The following ETV6 variants were observed in gnomAD, a reference collection of about 807,000 sequenced individuals.
ETV6 encodes the protein ETS variant transcription factor 6, also known as transcription factor ETV6.
In ETV6, 16 loss-of-function variants were observed where a neutral mutation model predicts 51.1. The ratio of observed to expected loss-of-function variants is 0.31; its 90% CI spans 0.21 to 0.48. The LOEUF is 0.48. Among genes scored for constraint, ETV6 ranks in the 20% least tolerant of loss-of-function variants. The pLI, the probability that ETV6 is intolerant of heterozygous loss-of-function variation, is 0.99. For missense variants in ETV6, 458 were observed against 594.8 expected, an observed-to-expected ratio of 0.77 and a Z score of 2.39; for synonymous variants, 240 against 224.1, an observed-to-expected ratio of 1.07 and a Z score of -0.64.
chr12:11,708,333 C>T (rs1023389477), intron 1 of ETV6, among the ~76,000 whole-genome samples: 4 of 151,858 alleles, frequency 2.6e-5, no homozygotes, highest in Non-Finnish European at 5.9e-5. Context: ...TTGTGCTCTG[C>T]AAGGGAGTGC....
At chr12:11,711,783 C>A (rs556122525) in intron 1 of ETV6, among the ~76,000 whole-genome samples, 2 of 152,216 alleles carry the variant, frequency 1.3e-5, no homozygotes, top group Non-Finnish European at 2.9e-5. Flanking sequence ...ATTTGTACGT[C>A]ATTTCCTTGC....
Position 11,859,118 on chromosome 12 carries a change from GGTTTTTT to G in ETV6, c.463+5558_463+5564del, listed in dbSNP as rs1191706194. Reference sequence around the variant, plus strand: ...TAAAGAAGATGAGGTATATGAATCTGGTTTTTTTTTTTTTTTTTTTTTTTTTTTTTTT... The same window carrying G: ...TAAAGAAGATGAGGTATATGAATCTGTTTTTTTTTTTTTTTTTTTTTTTTT... On this transcript the variant is annotated intron_variant, in intron 4 of 7. Transcript: ENST00000396373. Among the ~76,000 whole-genome samples, 194 of 41,798 alleles carry G rather than the reference GGTTTTTT, an allele frequency of 4.6e-3. 73 individuals are homozygous for G. In the Middle Eastern group the frequency reaches 0.048, roughly 10 times the overall value. 27.4% of individuals were successfully genotyped at this position (41,798 alleles called of 152,430 possible).
At chr12:11,677,263 C>A (rs377246584) in intron 1 of ETV6, among the ~76,000 whole-genome samples, 2 of 152,158 alleles carry the variant, frequency 1.3e-5, no homozygotes. Flanking sequence ...AGGAACCTTT[C>A]TCTCTCTCCT....
intron 2 of ETV6, among the ~76,000 whole-genome samples, chr12:11,779,211 C>G (rs545831939): frequency 2.2e-4 from 34 of 152,294 alleles, no homozygotes; most frequent in African/African-American, 8.2e-4. Flanking sequence ...TAAAACTCAG[C>G]CTTTCATCAT....
At chr12:11,867,151 T>C (rs1270894009) in intron 4 of ETV6, among the ~76,000 whole-genome samples, 1 of 152,260 alleles carries the variant, frequency 6.6e-6, no homozygotes, top group Non-Finnish European at 1.5e-5. Context: ...GTTTTTTCAA[T>C]GTATTTAATA....
chr12:11,837,455 A>G (rs1043157812), intron 2 of ETV6, among the ~76,000 whole-genome samples: 3 of 152,170 alleles, frequency 2.0e-5, no homozygotes, highest in Non-Finnish European at 4.4e-5. Context: ...CCATTCCTCA[A>G]AACTACACTT....
intron 2 of ETV6, among the ~76,000 whole-genome samples, chr12:11,770,400 C>A (rs1406042617): frequency 6.6e-6 from 1 of 151,938 alleles, no homozygotes; most frequent in Non-Finnish European, 1.5e-5. Context: ...GTTGCCTATG[C>A]CCATGTTAAA....
intron 2 of ETV6, among the ~76,000 whole-genome samples, chr12:11,761,989 A>T (rs57699137): frequency 0.017 from 2,538 of 152,288 alleles, 50 homozygotes; most frequent in African/African-American, 0.058. Context: ...TGACACAGGA[A>T]ATTGTCCTTC....
chr12:11,745,419 C>G (rs1865889092), intron 1 of ETV6, among the ~76,000 whole-genome samples: 1 of 152,368 alleles, frequency 6.6e-6, no homozygotes, highest in Middle Eastern at 3.4e-3. Flanking sequence ...CTGTTGCTGG[C>G]TCTGTCCTCT....
rs60956451 is a variant in ETV6 at position 11,769,806 on chromosome 12, G to A, written c.163+17227G>A. ...CATTGAGGGGTTGATTATTTACTTC[G>A]TTTGGAAGTAAGAAGGGAGGTAGCT... On this transcript the variant is annotated intron_variant, in intron 2 of 7. Coordinates refer to ENST00000396373, the MANE Select transcript of ETV6 (RefSeq NM_001987.5). 7.1e-3 allele frequency among the ~76,000 whole-genome samples: 1,085 copies of A among 152,296 alleles called. 12 individuals carry two copies. The highest frequency in any genetic ancestry group is 0.024 in the African/African-American group (1,001 of 41,550).
chr12:11,722,389 C>T (rs946902626), intron 1 of ETV6, among the ~76,000 whole-genome samples: 1 of 152,142 alleles, frequency 6.6e-6, no homozygotes, highest in African/African-American at 2.4e-5. Flanking sequence ...TGAGTTAACT[C>T]CAGTAAAATG....
chr12:11,863,825 C>A (rs979105003), intron 4 of ETV6, among the ~76,000 whole-genome samples: 1 of 152,200 alleles, frequency 6.6e-6, no homozygotes, highest in African/African-American at 2.4e-5. Context: ...AATGTCATAG[C>A]CTACTCCATA....
intron 6 of ETV6, among the ~76,000 whole-genome samples, chr12:11,885,255 A>AC: frequency 6.6e-6 from 1 of 152,196 alleles, no homozygotes; most frequent in East Asian, 1.9e-4. Context: ...GAGTGAGTGA[A>AC]AAGGCAGGGA....
chr12:11,808,355 A>G (rs1345697502), intron 2 of ETV6, among the ~76,000 whole-genome samples: 2 of 152,176 alleles, frequency 1.3e-5, no homozygotes, highest in Non-Finnish European at 2.9e-5. Flanking sequence ...AGTACCTGAC[A>G]AGGTATACAG....
chr12:11,873,380 CT>C (rs1342168218), intron 5 of ETV6, among the ~76,000 whole-genome samples: 1 of 152,172 alleles, frequency 6.6e-6, no homozygotes, highest in Non-Finnish European at 1.5e-5. Flanking sequence ...AAAATTGATT[CT>C]GTTTATTGGA....
chr12:11,805,896 A>G lies in ETV6; in HGVS notation c.164-33244A>G, dbSNP rs148985871. On this transcript the variant is annotated intron_variant, in intron 2 of 7. Coordinates refer to ENST00000396373, the MANE Select transcript of ETV6 (RefSeq NM_001987.5). ...TTATAAACCAGGCACAGTAATATCTACCTCACAGAGCTGTGTGCATTGCAT... is the reference window on the plus strand; with the variant it reads ...TTATAAACCAGGCACAGTAATATCTGCCTCACAGAGCTGTGTGCATTGCAT... Among the ~76,000 whole-genome samples the G allele has an allele frequency of 2.4e-4, 36 of 152,312 alleles. No homozygotes were observed. In the East Asian group the frequency reaches 6.0e-3, roughly 25 times the overall value.
intron 1 of ETV6, among the ~76,000 whole-genome samples, chr12:11,716,330 C>CAAAAAAAAAAAA (rs3049068): frequency 5.2e-5 from 3 of 58,094 alleles, no homozygotes; most frequent in African/African-American, 1.9e-4. Flanking sequence ...GACTCCTTCT[C>CAAAAAAAAAAAA]AAAAAAAAAA....
intron 2 of ETV6, among the ~76,000 whole-genome samples, chr12:11,792,200 A>G (rs1945609199): frequency 6.6e-6 from 1 of 152,116 alleles, no homozygotes; most frequent in Non-Finnish European, 1.5e-5. Flanking sequence ...CCCTTTCTTT[A>G]TGATGTTTTG....
chr12:11,831,779 G>A (rs1209460703), intron 2 of ETV6, among the ~76,000 whole-genome samples: 4 of 152,244 alleles, frequency 2.6e-5, no homozygotes, highest in Admixed American at 6.5e-5. Context: ...GATATTGTCA[G>A]TAACTATTAC....
Sources: allele counts gnomAD v4.1 joint callset (sites outside exome capture counted in the v4.1 genomes callset), GRCh38; gene constraint gnomAD v4.1.1; transcripts MANE v1.5; gene names NCBI Gene and HGNC (gene_info 2026-07-23, HGNC 2026-07-21).